The following CDK15 variants were observed in gnomAD, a reference collection of about 807,000 sequenced individuals.
CDK15 encodes cyclin dependent kinase 15, also known as cyclin-dependent kinase 15.
CDK15 carries 62 observed loss-of-function variants against 60.3 expected under a neutral mutation model. That is an observed-to-expected ratio of 1.03 (90% CI 0.84 to 1.27). CDK15 has a LOEUF of 1.27. CDK15 is among the 50% of genes most tolerant of loss of function. The pLI is 0.00. For missense variants in CDK15, 541 were observed against 527.8 expected, an observed-to-expected ratio of 1.03 and a Z score of -0.25; for synonymous variants, 194 against 195.7, an observed-to-expected ratio of 0.99 and a Z score of 0.07.
Position 201,824,635 on chromosome 2 carries a change from G to A in CDK15, c.606+908G>A, listed in dbSNP as rs1180829976. The stretch of plus-strand genomic sequence containing the variant: ...TAAATACCCAGAAGAACTCCCCTTT[G>A]TAAGATTTGTAACAAAAATTAATAT... On this transcript the variant is annotated intron_variant, in intron 6 of 13. Transcript: ENST00000652192. 3 of 325,032 alleles carry A rather than the reference G, an allele frequency of 9.2e-6. No individual in the cohort carries two copies. The East Asian group carries it at 2.4e-4, about 26-fold the overall frequency. 20.1% of individuals were successfully genotyped at this position (325,032 alleles called of 1,614,324 possible).
At chr2:201,810,240 A>G (rs539259646) in intron 3 of CDK15, among the ~76,000 whole-genome samples, 5 of 152,156 alleles carry the variant, frequency 3.3e-5, no homozygotes, top group Non-Finnish European at 5.9e-5. Flanking sequence ...AAATAGTTCA[A>G]TAAAAAGGTG....
chr2:201,806,876 T>C, intron 1 of CDK15, 89 bp downstream of exon 1: 2 of 1,478,190 alleles, frequency 1.4e-6, no homozygotes, highest in South Asian at 2.5e-5. Flanking sequence ...CTGATTCTTC[T>C]GCGGTAGGTC....
intron 13 of CDK15, among the ~76,000 whole-genome samples, chr2:201,891,900 C>T (rs1229038662): frequency 2.0e-5 from 3 of 152,180 alleles, no homozygotes; most frequent in Admixed American, 6.5e-5. Context: ...ACAGCTTGGC[C>T]GTGCTTCCCA....
chr2:201,868,409 TG>T (rs1323730263), intron 10 of CDK15, among the ~76,000 whole-genome samples: 1 of 152,310 alleles, frequency 6.6e-6, no homozygotes, highest in Non-Finnish European at 1.5e-5. Flanking sequence ...ACCCGGGTCC[TG>T]GGTCCAAGTG....
chr2:201,855,006 C>G, intron 10 of CDK15, 69 bp downstream of exon 10: 2 of 1,432,346 alleles, frequency 1.4e-6, no homozygotes, highest in Non-Finnish European at 2.0e-6. Context: ...GCCACGCTAA[C>G]AGGGCGTTCT....
At chr2:201,837,435 AAGGAAGGAAGGAAAGGAAGGAAGG>A (rs1697164704) in intron 8 of CDK15, among the ~76,000 whole-genome samples, 1 of 80,352 alleles carries the variant, frequency 1.2e-5, no homozygotes, top group Non-Finnish European at 2.4e-5. Context: ...GGAGGAAGGG[AAGGAAGGAAGGAAAGGAAGGAAGG>A]AAGGAAGGAA....
chr2:201,849,874 G>A (rs551962675), intron 9 of CDK15, among the ~76,000 whole-genome samples: 2 of 152,048 alleles, frequency 1.3e-5, no homozygotes, highest in African/African-American at 2.4e-5. Flanking sequence ...ACCCAGGCTG[G>A]AGTGCAGTGG....
intron 2 of CDK15, 49 bp downstream of exon 2, chr2:201,807,692 C>T: frequency 1.2e-6 from 2 of 1,607,410 alleles, no homozygotes; most frequent in African/African-American, 1.3e-5. Context: ...GTGAGCTTGT[C>T]TACGGAGGCC....
At chr2:201,839,435 T>C (rs527677123) in intron 8 of CDK15, among the ~76,000 whole-genome samples, 65 of 152,302 alleles carry the variant, frequency 4.3e-4, no homozygotes, top group African/African-American at 1.4e-3. Context: ...AGATTGGATC[T>C]TGGGGGAGAT....
intron 3 of CDK15, among the ~76,000 whole-genome samples, chr2:201,811,846 G>A (rs1209930075): frequency 6.6e-6 from 1 of 152,108 alleles, no homozygotes; most frequent in Non-Finnish European, 1.5e-5. Flanking sequence ...TAAATAGTAG[G>A]AGTGCAAGTG....
At chr2:201,807,736 C>T in intron 2 of CDK15, 93 bp downstream of exon 2, 2 of 1,561,492 alleles carry the variant, frequency 1.3e-6, no homozygotes, top group Admixed American at 1.8e-5. Flanking sequence ...CTGAGCGAGC[C>T]TTCCCAAGTC....
chr2:201,888,303 T>C (rs1179278012), intron 12 of CDK15, among the ~76,000 whole-genome samples: 3 of 152,122 alleles, frequency 2.0e-5, no homozygotes, highest in African/African-American at 7.2e-5. Context: ...TCAATTAGAC[T>C]AAAAAGACAA....
intron 10 of CDK15, among the ~76,000 whole-genome samples, chr2:201,855,213 TAC>T (rs1698094120): frequency 6.6e-6 from 1 of 152,214 alleles, no homozygotes; most frequent in African/African-American, 2.4e-5. Context: ...CATTGTCAAA[TAC>T]CCAATGGCTC....
At chr2:201,852,558 G>A (rs1697958569) in intron 9 of CDK15, among the ~76,000 whole-genome samples, 1 of 152,122 alleles carries the variant, frequency 6.6e-6, no homozygotes, top group Non-Finnish European at 1.5e-5. Flanking sequence ...AATAAACTAT[G>A]CAAACTTTGA....
intron 6 of CDK15, among the ~76,000 whole-genome samples, chr2:201,832,070 G>T (rs1696778696): frequency 6.7e-6 from 1 of 149,898 alleles, no homozygotes; most frequent in Non-Finnish European, 1.5e-5. Flanking sequence ...TTTTGAGATG[G>T]AGTCTTGCTC....
chr2:201,821,590 T>C (rs533228689), intron 4 of CDK15, among the ~76,000 whole-genome samples: 1 of 152,236 alleles, frequency 6.6e-6, no homozygotes, highest in Admixed American at 6.5e-5. Context: ...AATAATGCTT[T>C]GAGTTTTTAT....
At chr2:201,866,048 T>TGTGTGTGTGTG (rs1698621168) in intron 10 of CDK15, among the ~76,000 whole-genome samples, 5 of 96,412 alleles carry the variant, frequency 5.2e-5, no homozygotes, top group African/African-American at 2.0e-4. Flanking sequence ...GTGTGTGTGT[T>TGTGTGTGTGTG]TGGGGTGAGG....
At chr2:201,808,622 A>G (rs1158793634) in intron 3 of CDK15, 1 of 151,998 alleles carries the variant, frequency 6.6e-6, no homozygotes, top group Non-Finnish European at 1.5e-5. Flanking sequence ...TCTTTATGTT[A>G]CTCCAATAGA....
At chr2:201,819,772 T>C (rs998470020) in intron 4 of CDK15, among the ~76,000 whole-genome samples, 6 of 152,222 alleles carry the variant, frequency 3.9e-5, no homozygotes, top group Non-Finnish European at 7.3e-5. Context: ...TTAATCTTCA[T>C]AAAATGGATG....
Sources: allele counts gnomAD v4.1 joint callset (sites outside exome capture counted in the v4.1 genomes callset), GRCh38; gene constraint gnomAD v4.1.1; transcripts MANE v1.5; gene names NCBI Gene and HGNC (gene_info 2026-07-23, HGNC 2026-07-21).